VAV1: variants seen among roughly 807,000 people sequenced by gnomAD.
VAV1 encodes vav guanine nucleotide exchange factor 1.
In VAV1, 33 loss-of-function variants were observed where a neutral mutation model predicts 128.1. The observed-to-expected ratio is 0.26, with a 90% CI of 0.20 to 0.34. VAV1 has a LOEUF of 0.34. Ranked by LOEUF, VAV1 falls within the 10% of genes least tolerant of loss-of-function variation. VAV1 has a pLI of 1.00. For missense variants in VAV1, 715 were observed against 1,093.7 expected, an observed-to-expected ratio of 0.65 and a Z score of 4.88; for synonymous variants, 394 against 409.8, an observed-to-expected ratio of 0.96 and a Z score of 0.47.
At chr19:6,832,474 C>T (rs1465343922) in intron 15 of VAV1, among the ~76,000 whole-genome samples, 1 of 150,284 alleles carries the variant, frequency 6.7e-6, no homozygotes, top group Non-Finnish European at 1.5e-5. Flanking sequence ...CTTCTGGTTT[C>T]CTTCCTCCTC....
chr19:6,806,380 C>T (rs1219139213), intron 1 of VAV1, among the ~76,000 whole-genome samples: 2 of 152,126 alleles, frequency 1.3e-5, no homozygotes, highest in African/African-American at 2.4e-5. Flanking sequence ...CCACCATGCA[C>T]GGCCAACAAT....
At chr19:6,836,307 C>A in intron 19 of VAV1, 125 bp from the exon 20 acceptor site, 1 of 1,253,752 alleles carries the variant, frequency 8.0e-7, no homozygotes, top group Non-Finnish European at 1.1e-6. Flanking sequence ...AGTTTCTCCA[C>A]GTCCTTGTCA....
intron 1 of VAV1, among the ~76,000 whole-genome samples, chr19:6,803,472 A>G (rs1170651017): frequency 1.3e-5 from 2 of 152,128 alleles, no homozygotes; most frequent in African/African-American, 4.8e-5. Context: ...CTAGTCCTCA[A>G]TTTGGTCCGT....
At chr19:6,784,943 A>G (rs1970854730) in intron 1 of VAV1, among the ~76,000 whole-genome samples, 1 of 152,124 alleles carries the variant, frequency 6.6e-6, no homozygotes, top group Admixed American at 6.6e-5. Flanking sequence ...GAAAAAGACA[A>G]AATCCTCACT....
chr19:6,781,090 T>C (rs1442683396), intron 1 of VAV1, among the ~76,000 whole-genome samples: 2 of 148,626 alleles, frequency 1.3e-5, no homozygotes, highest in Non-Finnish European at 3.0e-5. Flanking sequence ...AAAGTAGAGA[T>C]GGGGGTCTCA....
chr19:6,773,220 C>A (rs543618533), intron 1 of VAV1, among the ~76,000 whole-genome samples: 37 of 152,286 alleles, frequency 2.4e-4, no homozygotes, highest in Non-Finnish European at 4.7e-4. Flanking sequence ...TGTGGGTTCA[C>A]GGGCCCTGAG....
At chr19:6,797,743 TAAAAA>T (rs530435791) in intron 1 of VAV1, among the ~76,000 whole-genome samples, 1 of 89,922 alleles carries the variant, frequency 1.1e-5, no homozygotes, top group South Asian at 3.3e-4. Context: ...AAACTCCGTC[TAAAAA>T]AAAAAAAAAA....
chr19:6,834,041 T>C lies in VAV1; in HGVS notation c.1777+88T>C. The C allele has an allele frequency of 2.5e-6, 4 of 1,584,750 alleles. No homozygotes were observed. In the South Asian group the frequency reaches 4.4e-5, roughly 18 times the overall value. Reference sequence around the variant, plus strand: ...CAGGGACAGATCTCCATAATCATATTAACAGCCACATTGGGCCGGGTGCAA... The same window carrying C: ...CAGGGACAGATCTCCATAATCATATCAACAGCCACATTGGGCCGGGTGCAA... On this transcript the variant is annotated intron_variant, in intron 19 of 26. Transcript: ENST00000602142.
At chr19:6,852,777 A>T (rs1234308117) in intron 24 of VAV1, among the ~76,000 whole-genome samples, 188 bp from the exon 25 acceptor site, 1 of 151,876 alleles carries the variant, frequency 6.6e-6, no homozygotes. Flanking sequence ...TCCCTTCCCC[A>T]TAAATAGTCC....
intron 1 of VAV1, among the ~76,000 whole-genome samples, chr19:6,776,408 C>T (rs1463636382): frequency 2.5e-5 from 1 of 39,592 alleles, no homozygotes; most frequent in Non-Finnish European, 4.8e-5. Context: ...ACCCATCTAT[C>T]CATCCATCCA....
chr19:6,792,175 G>T (rs1488912543), intron 1 of VAV1, among the ~76,000 whole-genome samples: 1 of 152,026 alleles, frequency 6.6e-6, no homozygotes, highest in Non-Finnish European at 1.5e-5. Context: ...AACATAGTGA[G>T]ATCCCACCTC....
intron 20 of VAV1, 112 bp from the exon 21 acceptor site, chr19:6,836,873 C>CT: frequency 1.7e-6 from 1 of 587,396 alleles, no homozygotes; most frequent in African/African-American, 3.1e-5. Flanking sequence ...CACACACACA[C>CT]ACACACGAGT....
intron 6 of VAV1, among the ~76,000 whole-genome samples, chr19:6,824,542 T>C (rs1971869105): frequency 6.6e-6 from 1 of 152,102 alleles, no homozygotes; most frequent in African/African-American, 2.4e-5. Context: ...ATTTTTTTTT[T>C]CTTTTTTGAG....
chr19:6,795,220 A>G (rs1018107397), intron 1 of VAV1, among the ~76,000 whole-genome samples: 55 of 152,028 alleles, frequency 3.6e-4, no homozygotes, highest in African/African-American at 1.3e-3. Flanking sequence ...GGCTGAACCT[A>G]TCTAGGAGCA....
rs767949726 is a variant in VAV1, at chr19:6,833,167, TA to T, written c.1509-15del. On this transcript the variant is annotated splice_polypyrimidine_tract_variant and intron_variant, in intron 15 of 26. Transcript: ENST00000602142. ...ACTGACCTTCTTTTTTTTTTTTTTTTAATTTTCCCCTGCCAGCTCCAACATC... is the reference window on the plus strand; with the variant it reads ...ACTGACCTTCTTTTTTTTTTTTTTTTATTTTCCCCTGCCAGCTCCAACATC... The T allele has an allele frequency of 1.3e-5, 21 of 1,563,888 alleles. No homozygotes were observed. The Admixed American group carries it at 1.8e-4, about 14-fold the overall frequency.
chr19:6,855,383 T>C (rs2144837889), intron 26 of VAV1, among the ~76,000 whole-genome samples: 1 of 152,228 alleles, frequency 6.6e-6, no homozygotes, highest in Admixed American at 6.5e-5. Flanking sequence ...GATTCATCCA[T>C]CCATCCATCC....
intron 1 of VAV1, among the ~76,000 whole-genome samples, chr19:6,785,444 G>A (rs1008943579): frequency 2.0e-5 from 3 of 151,916 alleles, no homozygotes; most frequent in African/African-American, 7.3e-5. Flanking sequence ...TGATTCTCCT[G>A]CCTCAGCCTC....
intron 22 of VAV1, among the ~76,000 whole-genome samples, chr19:6,845,050 C>T (rs1448146556): frequency 2.6e-5 from 4 of 152,038 alleles, no homozygotes; most frequent in Non-Finnish European, 4.4e-5. Flanking sequence ...ATGTTAAACA[C>T]CAACTCGAAC....
intron 26 of VAV1, among the ~76,000 whole-genome samples, chr19:6,856,419 A>T (rs1393838059): frequency 6.6e-6 from 1 of 152,044 alleles, no homozygotes; most frequent in Non-Finnish European, 1.5e-5. Flanking sequence ...TGCTATAGAA[A>T]AAGATAAAGC....
Sources: gnomAD v4.1 joint callset for allele counts (sites outside exome capture counted in the v4.1 genomes callset) on GRCh38, gnomAD v4.1.1 for gene constraint, MANE v1.5 for transcripts, NCBI Gene and HGNC (gene_info 2026-07-23, HGNC 2026-07-21) for gene names.